Variants in GOLGB1 observed in about 807,000 individuals in gnomAD.
The protein encoded by GOLGB1 is golgin B1.
A neutral mutation model predicts 336.9 loss-of-function variants in GOLGB1; 174 were observed. The observed-to-expected ratio is 0.52, with a 90% confidence interval of 0.46 to 0.59. GOLGB1 has a LOEUF of 0.59. Among genes scored for constraint, GOLGB1 ranks in the 20% least tolerant of loss-of-function variants. The pLI is 0.00. For missense variants in GOLGB1, 3,331 were observed against 3,645.3 expected, an observed-to-expected ratio of 0.91 and a Z score of 2.22; for synonymous variants, 1,208 against 1,289.2, an observed-to-expected ratio of 0.94 and a Z score of 1.35.
At chr3:121,711,630 G>A (rs780089152) in intron 10 of GOLGB1, among the ~76,000 whole-genome samples, 5 of 152,230 alleles carry the variant, frequency 3.3e-5, no homozygotes, top group Non-Finnish European at 7.4e-5. Flanking sequence ...AAATTAATTT[G>A]TTTATCAAGG....
chr3:121,738,630 A>C (rs933410995), intron 1 of GOLGB1, among the ~76,000 whole-genome samples: 3 of 152,196 alleles, frequency 2.0e-5, no homozygotes, highest in African/African-American at 7.2e-5. Flanking sequence ...TTCCAATAAC[A>C]GGTACCTGCC....
intron 15 of GOLGB1, among the ~76,000 whole-genome samples, chr3:121,680,194 C>T (rs1425368186): frequency 6.6e-6 from 1 of 152,200 alleles, no homozygotes; most frequent in Non-Finnish European, 1.5e-5. Flanking sequence ...CACCATCCAC[C>T]TAGTGTCTTC....
At chr3:121,670,584 T>C (rs375429785) in intron 17 of GOLGB1, among the ~76,000 whole-genome samples, 44 of 152,106 alleles carry the variant, frequency 2.9e-4, no homozygotes, top group Middle Eastern at 3.4e-3. Flanking sequence ...ATCATCTTAT[T>C]TGAGAGAGGT....
Position 121,692,405 on chromosome 3 carries a change from T to C in GOLGB1, c.6959A>G (p.Lys2320Arg), listed in dbSNP as rs1942519819. The C allele has an allele frequency of 1.2e-6, 2 of 1,613,492 alleles. No homozygotes were observed. The highest frequency in any genetic ancestry group is 1.7e-6 in the Non-Finnish European group (2 of 1,179,910). ...NELAKLESEL[K>R]SLKDQLTDLS... The stretch of plus-strand genomic sequence containing the variant: ...ATCAGTCAACTGGTCTTTGAGACTC[T>C]TAAGTTCTGATTCCAACTTAGCTAA... The change falls in exon 14 of 22, where the codon AAG becomes AGG. Residue 2320 changes from lysine (K) to arginine (R), a missense_variant. Coordinates refer to ENST00000614479, the MANE Select transcript of GOLGB1 (RefSeq NM_001366282.2).
intron 19 of GOLGB1, 148 bp from the exon 20 acceptor site, chr3:121,667,758 G>T: frequency 1.5e-6 from 1 of 667,404 alleles, no homozygotes; most frequent in East Asian, 2.8e-5. Context: ...AGCTGTAGAG[G>T]GATTAAATGA....
chr3:121,729,758 G>T, intron 3 of GOLGB1, 107 bp downstream of exon 3: 2 of 831,958 alleles, frequency 2.4e-6, no homozygotes, highest in Non-Finnish European at 3.9e-6. Context: ...GTACTAGGGA[G>T]ATAATCAGAT....
chr3:121,717,240 A>G (rs1202535852), intron 8 of GOLGB1, 101 bp from the exon 9 acceptor site: 11 of 871,658 alleles, frequency 1.3e-5, no homozygotes. Flanking sequence ...AAATGGGAAC[A>G]TGTTTCTATG....
At chr3:121,729,129 C>G in intron 4 of GOLGB1, 59 bp downstream of exon 4, 1 of 1,103,030 alleles carries the variant, frequency 9.1e-7, no homozygotes, top group Non-Finnish European at 1.3e-6. Context: ...TGGTGAAGAT[C>G]TGCTGTATTG....
intron 1 of GOLGB1, 106 bp from the exon 2 acceptor site, chr3:121,731,079 C>T: frequency 2.7e-6 from 3 of 1,131,910 alleles, no homozygotes; most frequent in East Asian, 2.5e-5. Context: ...GAATACTGTA[C>T]AGGTGATTTG....
chr3:121,686,779 G>A (rs1033065971), intron 14 of GOLGB1, among the ~76,000 whole-genome samples: 2 of 152,162 alleles, frequency 1.3e-5, no homozygotes, highest in African/African-American at 4.8e-5. Flanking sequence ...GAGGATCTGA[G>A]CTCTGGAATG....
intron 1 of GOLGB1, among the ~76,000 whole-genome samples, chr3:121,734,717 T>C (rs1946363504): frequency 6.6e-6 from 1 of 152,224 alleles, no homozygotes; most frequent in South Asian, 2.1e-4. Flanking sequence ...GGCAGGGATA[T>C]AGAGCAACAG....
Position 121,697,162 on chromosome 3 carries a change from T to A in GOLGB1, c.3361A>T (p.Ser1121Cys). Reference protein sequence around the residue: ...NQIDLLQAEISENQAIIQKLI... With the variant: ...NQIDLLQAEICENQAIIQKLI... ...TTCTGGATAATTGCTTGGTTTTCAC[T>A]GATTTCTGCTTGGAGCAAATCTATT... is the stretch of plus-strand genomic sequence containing the variant. Residue 1121 changes from serine (S) to cysteine (C), a missense_variant, in exon 13 of 22, where the codon AGT (serine) becomes TGT (cysteine). Ser to Cys is a moderately radical substitution (Grantham distance 112). Coordinates refer to ENST00000614479, the MANE Select transcript of GOLGB1 (RefSeq NM_001366282.2). 6.2e-7 allele frequency: 1 copy of A among 1,614,156 alleles called. No individual in the cohort carries two copies. The highest frequency in any genetic ancestry group is 8.5e-7 in the Non-Finnish European group (1 of 1,179,988).
Position 121,692,280 on chromosome 3 carries a change from C to T in GOLGB1, c.7084G>A (p.Glu2362Lys). The T allele has an allele frequency of 5.6e-6, 9 of 1,611,024 alleles. No individual in the cohort carries two copies. Among genetic ancestry groups the T allele is most frequent in the Non-Finnish European group, 6.8e-6 (8 of 1,179,202 alleles). Residue 2362 changes from glutamate (E) to lysine (K), a missense_variant, in exon 14 of 22, where the codon GAA (glutamate) becomes AAA (lysine). Physicochemically the swap from Glu to Lys is moderately conservative, Grantham distance 56. Coordinates refer to ENST00000614479, the MANE Select transcript of GOLGB1 (RefSeq NM_001366282.2). ...ADIQNSKFSY[E>K]QLETDLQASR... ...GCCTGAAGATCAGTCTCCAGTTGTT[C>T]ATAACTGAACTTAGAATTTTGAATA...
intron 10 of GOLGB1, among the ~76,000 whole-genome samples, chr3:121,704,048 C>T (rs1302425806): frequency 6.7e-6 from 1 of 150,128 alleles, no homozygotes; most frequent in African/African-American, 2.5e-5. Flanking sequence ...ATATAGACGA[C>T]AGAAGAAAGT....
chr3:121,668,039 G>T, intron 19 of GOLGB1, 22 bp downstream of exon 19: 2 of 1,355,096 alleles, frequency 1.5e-6, no homozygotes, highest in Non-Finnish European at 2.1e-6. Context: ...ATGCTCCAGG[G>T]TTTAGAGAGC....
intron 1 of GOLGB1, among the ~76,000 whole-genome samples, chr3:121,739,607 TA>T (rs796072162): frequency 2.6e-5 from 4 of 151,092 alleles, no homozygotes; most frequent in Non-Finnish European, 3.0e-5. Flanking sequence ...ACCATGTCAT[TA>T]AAAAAAAGCA....
chr3:121,749,535 C>A (rs1268397299), intron 1 of GOLGB1, 97 bp downstream of exon 1: 1 of 152,644 alleles, frequency 6.6e-6, no homozygotes, highest in African/African-American at 2.4e-5. Context: ...GGAGGGGACT[C>A]CGGTGTAGCT....
intron 4 of GOLGB1, 78 bp downstream of exon 4, chr3:121,729,110 G>T (rs1191434303): frequency 2.1e-6 from 2 of 964,144 alleles, no homozygotes; most frequent in East Asian, 2.5e-5. Flanking sequence ...CATCCTAAAT[G>T]TTTGTGATTG....
At chr3:121,686,601 CACTT>C (rs1428869101) in intron 14 of GOLGB1, among the ~76,000 whole-genome samples, 3 of 152,058 alleles carry the variant, frequency 2.0e-5, no homozygotes, top group African/African-American at 4.8e-5. Flanking sequence ...TAAGACATGA[CACTT>C]ACCAGGAGTT....
Sources: allele counts gnomAD v4.1 joint callset (sites outside exome capture counted in the v4.1 genomes callset), GRCh38; gene constraint gnomAD v4.1.1; transcripts MANE v1.5; gene names NCBI Gene and HGNC (gene_info 2026-07-23, HGNC 2026-07-21).